The following SLC26A11 variants were observed in gnomAD, a reference collection of about 807,000 sequenced individuals.
SLC26A11 encodes sodium-independent sulfate anion transporter.
Under a neutral mutation model 62.2 loss-of-function variants are expected in SLC26A11, and 58 were observed. That is an observed-to-expected ratio of 0.93 (90% confidence interval 0.76 to 1.16). The LOEUF (loss-of-function observed/expected upper bound fraction) is 1.16, where lower values mean the gene tolerates loss of function less well. Among genes scored for constraint, SLC26A11 ranks in the 50% most tolerant of loss-of-function variants. The probability of loss-of-function intolerance (pLI) is 0.00; values close to 1 mark genes in which losing one functional copy is unlikely to be tolerated. For synonymous variants in SLC26A11, 411 were observed against 368.9 expected, an observed-to-expected ratio of 1.11 and a Z score of -1.31; for missense variants, 790 against 794.3, an observed-to-expected ratio of 0.99 and a Z score of 0.06.
At chr17:80,251,716 T>C (rs2043161060) in intron 17 of SLC26A11, among the ~76,000 whole-genome samples, 1 of 151,526 alleles carries the variant, frequency 6.6e-6, no homozygotes, top group Non-Finnish European at 1.5e-5. Context: ...TGAGCCGAGA[T>C]TGTGCCACTG....
chr17:80,241,415 A>G (rs1157684210), intron 9 of SLC26A11, among the ~76,000 whole-genome samples: 1 of 152,026 alleles, frequency 6.6e-6, no homozygotes, highest in Admixed American at 6.6e-5. Context: ...ACACACCACC[A>G]TGCTTGGCTA....
Position 80,227,953 on chromosome 17 carries a change from C to T in SLC26A11, c.729C>T (p.Ala243=), listed in dbSNP as rs370522863. Residue 243 remains alanine (A), a synonymous_variant, in exon 7 of 18, where the codon GCC becomes GCT. Transcript: ENST00000361193. The part of the protein sequence containing the change: ...VRLSRGLVWA[A]TTARNALVVS... ...TCAGCCGTGGGCTGGTCTGGGCTGC[C>T]ACGACAGGTGAGGGGCCTCTGGCTG... 1.9e-5 allele frequency: 31 copies of T among 1,599,836 alleles called. No homozygotes were observed. Among genetic ancestry groups the T allele is most frequent in the Middle Eastern group, 1.6e-4 (1 of 6,074 alleles).
rs28675850 is a variant in SLC26A11 at position 80,224,282 on chromosome 17, T to A, written c.513+945T>A. ...GTGTGTGCGTGTGTGAGTGAGTGCG[T>A]GTGTGAGTGAGTGTGCGTGTGTGTG... is the stretch of plus-strand genomic sequence containing the variant. On this transcript the variant is annotated intron_variant, in intron 5 of 17. Transcript: ENST00000361193. Among the ~76,000 whole-genome samples the A allele has an allele frequency of 5.2e-4, 77 of 147,226 alleles. 1 individual carries two copies. The highest frequency in any genetic ancestry group is 1.5e-3 in the South Asian group (7 of 4,704).
chr17:80,249,021 C>T (rs1169207751), intron 15 of SLC26A11, 133 bp from the exon 16 acceptor site: 16 of 1,135,380 alleles, frequency 1.4e-5, no homozygotes, highest in East Asian at 5.2e-5. Context: ...CCCAACTGGG[C>T]GACTCAGCCG....
chr17:80,236,881 C>A (rs756729879), intron 7 of SLC26A11, 47 bp from the exon 8 acceptor site: 2 of 1,573,904 alleles, frequency 1.3e-6, no homozygotes, highest in African/African-American at 1.3e-5. Flanking sequence ...CGCTACCCCA[C>A]ACTCGCCGGG....
chr17:80,240,746 T>G (rs1178152704), intron 9 of SLC26A11, among the ~76,000 whole-genome samples: 1 of 151,932 alleles, frequency 6.6e-6, no homozygotes, highest in Non-Finnish European at 1.5e-5. Context: ...GAGGTTGCGG[T>G]GAGCCAAGAT....
rs969182497 is a variant in SLC26A11, at chr17:80,228,683, T to C, written c.736+723T>C. On this transcript the variant is annotated intron_variant, in intron 7 of 17. Coordinates refer to ENST00000361193, the MANE Select transcript of SLC26A11 (RefSeq NM_001166347.2). The surrounding 1 kb of genome is among the most constrained non-coding windows in gnomAD (Gnocchi z 4.1). ...GCGCACAGCCTTCCACAGCAAACAG[T>C]GATCCGGCCCAAAATGTCGGCGGTG... is the stretch of plus-strand genomic sequence containing the variant. 2.0e-5 allele frequency among the ~76,000 whole-genome samples: 3 copies of C among 152,200 alleles called. No homozygotes were observed. The highest frequency in any genetic ancestry group is 7.2e-5 in the African/African-American group (3 of 41,442).
chr17:80,227,849 ATGCTGC>A lies in SLC26A11; in HGVS notation c.634_639del (p.Leu212_Leu213del). On this transcript the variant is annotated inframe_deletion, in exon 7 of 18. Coordinates refer to ENST00000361193, the MANE Select transcript of SLC26A11 (RefSeq NM_001166347.2). ...TGACGCCGTCCTGGGGCTGGTCTGC[ATGCTGC>A]TGCTGCTGGTGCTGAAGCTGATGCG... 6.2e-7 allele frequency: 1 copy of A among 1,603,540 alleles called. No individual in the cohort carries two copies. The highest frequency in any genetic ancestry group is 8.5e-7 in the Non-Finnish European group (1 of 1,179,890).
At position 80,251,332 on chromosome 17, in the gene SLC26A11, C is replaced by G. The variant is rs774686697; in HGVS notation, c.1660C>G (p.Pro554Ala). 6.2e-7 allele frequency: 1 copy of G among 1,614,072 alleles called. No homozygotes were observed. The highest frequency in any genetic ancestry group is 8.5e-7 in the Non-Finnish European group (1 of 1,179,984). ...VALAFVGLQVPVLRVLLSADL... is the reference protein window; with the variant it reads ...VALAFVGLQVAVLRVLLSADL... Reference sequence around the variant, plus strand: ...CTAAAGTCTGTCTGTCTCTCAGGTCCCCGTTCTCCGTGTCCTGCTGTCCGC... The same window carrying G: ...CTAAAGTCTGTCTGTCTCTCAGGTCGCCGTTCTCCGTGTCCTGCTGTCCGC... Residue 554 changes from proline (P) to alanine (A), a missense_variant, in exon 17 of 18, where the codon CCC becomes GCC. By Grantham distance (27) the Pro-to-Ala change is conservative (BLOSUM62 -1). Transcript: ENST00000361193.
At chr17:80,229,640 G>A (rs1053176570) in intron 7 of SLC26A11, among the ~76,000 whole-genome samples, 3 of 151,968 alleles carry the variant, frequency 2.0e-5, no homozygotes, top group African/African-American at 7.3e-5. Flanking sequence ...ATGTTGGCCA[G>A]GCTGGTCTCG....
At chr17:80,241,715 C>A in intron 9 of SLC26A11, 56 bp from the exon 10 acceptor site, 1 of 1,566,800 alleles carries the variant, frequency 6.4e-7, no homozygotes, top group East Asian at 2.2e-5. Context: ...TTTGTGAATA[C>A]TTTTTGAGCG....
intron 7 of SLC26A11, among the ~76,000 whole-genome samples, chr17:80,235,222 T>A (rs2042662192): frequency 6.6e-6 from 1 of 152,234 alleles, no homozygotes; most frequent in African/African-American, 2.4e-5. Flanking sequence ...TGTTTTTTTT[T>A]TAAGTATATG....
intron 8 of SLC26A11, 178 bp downstream of exon 8, chr17:80,237,281 G>A (rs2042722015): frequency 2.4e-6 from 2 of 844,526 alleles, no homozygotes; most frequent in Non-Finnish European, 3.6e-6. Context: ...AACTCAGCGA[G>A]CTCAGGGATG....
At chr17:80,244,722 G>A (rs1257890639) in intron 10 of SLC26A11, among the ~76,000 whole-genome samples, 8 of 151,980 alleles carry the variant, frequency 5.3e-5, no homozygotes, top group African/African-American at 1.4e-4. Flanking sequence ...CATGCCTGTA[G>A]TCCCAGCACT....
intron 8 of SLC26A11, 121 bp from the exon 9 acceptor site, chr17:80,237,401 C>T: frequency 1.1e-6 from 1 of 946,024 alleles, no homozygotes; most frequent in Non-Finnish European, 1.6e-6. Flanking sequence ...GCGGATCCTG[C>T]AGCTGACAAG....
Position 80,221,762 on chromosome 17 carries a change from G to A in SLC26A11, c.202G>A (p.Ala68Thr), listed in dbSNP as rs754796731. The part of the protein sequence containing the change: ...VGLTAIPQAL[A>T]YAEVAGLPPQ... ...CCTCACTGCCATTCCCCAGGCGCTG[G>A]CCTATGCTGAAGTGGCTGGACTCCC... is the stretch of plus-strand genomic sequence containing the variant. Residue 68 changes from alanine to threonine, a missense_variant, in exon 3 of 18, where the codon GCC becomes ACC. Ala to Thr is a moderately conservative substitution (Grantham distance 58). Transcript: ENST00000361193. The A allele has an allele frequency of 5.6e-6, 9 of 1,612,920 alleles. No homozygotes were observed. Among genetic ancestry groups the A allele is most frequent in the African/African-American group, 1.3e-5 (1 of 75,050 alleles).
At chr17:80,245,995 A>G (rs759189633) in intron 11 of SLC26A11, among the ~76,000 whole-genome samples, 159 bp from the exon 12 acceptor site, 3 of 152,142 alleles carry the variant, frequency 2.0e-5, no homozygotes, top group Non-Finnish European at 4.4e-5. Context: ...CTGTGACTGC[A>G]CCCTAAGTCT....
Position 80,252,178 on chromosome 17 carries a change from G to A in SLC26A11, c.1730-447G>A, listed in dbSNP as rs74000682. Among the ~76,000 whole-genome samples, 7,168 of 152,282 alleles carry A rather than the reference G, an allele frequency of 0.047. 367 individuals are homozygous for A. The highest frequency in any genetic ancestry group is 0.13 in the African/African-American group (5,374 of 41,520). Reference sequence around the variant, plus strand: ...ATCCACCCCAGGCCACACAGCAGTGGCCAGAGGGTCCCAGGCCCCAGTGCT... The same window carrying A: ...ATCCACCCCAGGCCACACAGCAGTGACCAGAGGGTCCCAGGCCCCAGTGCT... On this transcript the variant is annotated intron_variant, in intron 17 of 17. Transcript: ENST00000361193. This position sits in a 1 kb window ranked among gnomAD's most constrained non-coding sequence, Gnocchi z 5.2.
chr17:80,251,566 C>A (rs559357314), intron 17 of SLC26A11, among the ~76,000 whole-genome samples, 165 bp downstream of exon 17: 1 of 152,254 alleles, frequency 6.6e-6, no homozygotes, highest in East Asian at 1.9e-4. Flanking sequence ...AGTTCGAGAC[C>A]AGCCTGGCCA....
Sources: gnomAD v4.1 joint callset for allele counts (sites outside exome capture counted in the v4.1 genomes callset) on GRCh38, gnomAD v4.1.1 for gene constraint, Gnocchi (gnomAD v3.1) non-coding constraint, MANE v1.5 for transcripts, NCBI Gene and HGNC (gene_info 2026-07-23, HGNC 2026-07-21) for gene names.